The following SPEN variants were observed in gnomAD, a reference collection of about 807,000 sequenced individuals.
SPEN encodes the protein msx2-interacting protein.
SPEN carries 18 observed loss-of-function variants against 269.9 expected under a neutral mutation model. The ratio of observed to expected loss-of-function variants is 0.07; its 90% CI spans 0.05 to 0.10. The LOEUF (loss-of-function observed/expected upper bound fraction) is 0.10, where lower values mean the gene tolerates loss of function less well. Among genes scored for constraint, SPEN ranks in the 10% least tolerant of loss-of-function variants. The probability of loss-of-function intolerance (pLI) is 1.00; values close to 1 mark genes in which losing one functional copy is unlikely to be tolerated. For missense variants in SPEN, 3,822 were observed against 4,631.2 expected, an observed-to-expected ratio of 0.83 and a Z score of 5.07; for synonymous variants, 1,726 against 1,765.7, an observed-to-expected ratio of 0.98 and a Z score of 0.56.
chr1:15,895,935 C>T (rs1276984783), intron 3 of SPEN, among the ~76,000 whole-genome samples: 2 of 152,066 alleles, frequency 1.3e-5, no homozygotes, highest in East Asian at 1.9e-4. Context: ...CCACCTGTCT[C>T]GGCCTCCCAA....
chr1:15,871,891 A>G (rs1335586020), intron 1 of SPEN, among the ~76,000 whole-genome samples: 2 of 152,180 alleles, frequency 1.3e-5, no homozygotes, highest in Non-Finnish European at 2.9e-5. Flanking sequence ...ATTCTATCTT[A>G]GGTTCAGTAG....
intron 3 of SPEN, among the ~76,000 whole-genome samples, chr1:15,904,892 T>TC (rs1179866270): frequency 4.2e-5 from 6 of 144,424 alleles, no homozygotes; most frequent in South Asian, 2.2e-4. Flanking sequence ...TGTCTCTCTC[T>TC]TTTTTTTTTT....
At chr1:15,936,355 C>T in intron 11 of SPEN, 89 bp downstream of exon 11, 5 of 1,439,192 alleles carry the variant, frequency 3.5e-6, no homozygotes, top group Non-Finnish European at 3.7e-6. Context: ...TGAAAGAAAT[C>T]AGGGGCCAGG....
intron 13 of SPEN, 172 bp from the exon 14 acceptor site, chr1:15,938,546 T>G: frequency 1.8e-6 from 1 of 562,568 alleles, no homozygotes. Context: ...TAAATCAGCT[T>G]TCTCAGGTTG....
Position 15,935,642 on chromosome 1 carries a change from A to G in SPEN, c.9402A>G (p.Pro3134=). 6.2e-7 allele frequency: 1 copy of G among 1,614,028 alleles called. No individual in the cohort carries two copies. Among genetic ancestry groups the G allele is most frequent in the Non-Finnish European group, 8.5e-7 (1 of 1,179,972 alleles). ...LQPQQIEVRA[P]QRASTPQPAP... is the part of the protein sequence containing the mutation. ...CCCAGCAAATAGAGGTCAGGGCCCC[A>G]CAGCGTGCCAGCACCCCGCAGCCAG... The change falls in exon 11 of 15, where the codon CCA becomes CCG. Residue 3134 remains proline (P), a synonymous_variant. Coordinates refer to ENST00000375759, the MANE Select transcript of SPEN (RefSeq NM_015001.3). This position sits in a 1 kb window ranked among gnomAD's most constrained non-coding sequence, Gnocchi z 7.7.
Position 15,928,329 on chromosome 1 carries a change from T to A in SPEN, c.2089T>A (p.Tyr697Asn). ...TGAACAAGATATTAGGGAATATAGTTACAGGCAAAGGGAACGAGAAAGAGA... is the reference window on the plus strand; with the variant it reads ...TGAACAAGATATTAGGGAATATAGTAACAGGCAAAGGGAACGAGAAAGAGA... ...PYEQDIREYS[Y>N]RQRERERERE... is the part of the protein sequence containing the mutation. Residue 697 changes from tyrosine to asparagine, a missense_variant, in exon 11 of 15, where the codon TAC (tyrosine) becomes AAC (asparagine). Physicochemically the swap from Tyr to Asn is moderately radical, Grantham distance 143. Coordinates refer to ENST00000375759, the MANE Select transcript of SPEN (RefSeq NM_015001.3). This position sits in a 1 kb window ranked among gnomAD's most constrained non-coding sequence, Gnocchi z 5.7. 6.2e-7 allele frequency: 1 copy of A among 1,614,208 alleles called. No homozygotes were observed. The highest frequency in any genetic ancestry group is 8.5e-7 in the Non-Finnish European group (1 of 1,180,038).
chr1:15,930,380 T>G lies in SPEN; in HGVS notation c.4140T>G (p.Ser1380=). Residue 1380 remains serine, a synonymous_variant, in exon 11 of 15, where the codon TCT becomes TCG. Coordinates refer to ENST00000375759, the MANE Select transcript of SPEN (RefSeq NM_015001.3). The surrounding 1 kb of genome is among the most constrained non-coding windows in gnomAD (Gnocchi z 5.3). The part of the protein sequence containing the change: ...VRDLEPGEVP[S]DSDEDGEHKS... ...ATCTGGAACCTGGTGAGGTGCCTTC[T>G]GATTCTGACGAAGATGGTGAACACA... The G allele has an allele frequency of 6.2e-7, 1 of 1,613,600 alleles. No individual in the cohort carries two copies. The highest frequency in any genetic ancestry group is 2.2e-5 in the East Asian group (1 of 44,872).
chr1:15,879,651 G>T (rs995744157), intron 3 of SPEN, among the ~76,000 whole-genome samples: 1 of 151,590 alleles, frequency 6.6e-6, no homozygotes, highest in African/African-American at 2.4e-5. Context: ...GAAGTCTGGA[G>T]GGTGACATCT....
intron 5 of SPEN, among the ~76,000 whole-genome samples, chr1:15,914,214 C>A (rs1277805090): frequency 1.3e-5 from 2 of 152,114 alleles, no homozygotes; most frequent in South Asian, 2.1e-4. Flanking sequence ...CCATTGGAGC[C>A]ATCAGTCTGG....
chr1:15,922,753 G>C (rs1478560191), intron 10 of SPEN, among the ~76,000 whole-genome samples: 2 of 151,994 alleles, frequency 1.3e-5, no homozygotes, highest in Admixed American at 6.6e-5. Context: ...TTCTTGATTA[G>C]CTGGGACTAC....
chr1:15,882,166 C>G (rs1296735733), intron 3 of SPEN, among the ~76,000 whole-genome samples: 1 of 152,128 alleles, frequency 6.6e-6, no homozygotes, highest in African/African-American at 2.4e-5. Context: ...CTTCATGGCT[C>G]CATGTGCTGC....
Position 15,848,169 on chromosome 1 carries a change from G to A in SPEN, c.83+19G>A. ...TCAAACGGTGAGTGACACGAGGCCC[G>A]CGGCCGCGCTCGCTCCTCGGGCGCC... On this transcript the variant is annotated intron_variant, in intron 1 of 14. Transcript: ENST00000375759. The surrounding 1 kb of genome is among the most constrained non-coding windows in gnomAD (Gnocchi z 5.1). 2.8e-6 allele frequency: 4 copies of A among 1,439,544 alleles called. No individual in the cohort carries two copies. The highest frequency in any genetic ancestry group is 3.7e-6 in the Non-Finnish European group (4 of 1,080,030). The allele number at this position is 1,439,544 out of a possible 1,614,324, so 89.2% of individuals were successfully genotyped here.
chr1:15,914,468 T>G (rs991812117), intron 5 of SPEN, among the ~76,000 whole-genome samples: 1 of 152,212 alleles, frequency 6.6e-6, no homozygotes, highest in African/African-American at 2.4e-5. Flanking sequence ...AGACCAAGTT[T>G]ATAAATGGAG....
At chr1:15,872,639 C>T (rs2070592481) in intron 1 of SPEN, among the ~76,000 whole-genome samples, 177 bp from the exon 2 acceptor site, 2 of 151,154 alleles carry the variant, frequency 1.3e-5, no homozygotes, top group East Asian at 1.9e-4. Flanking sequence ...TGTAATAATG[C>T]GATACAGATA....
chr1:15,931,214 T>C lies in SPEN; in HGVS notation c.4974T>C (p.Thr1658=). 6.2e-7 allele frequency: 1 copy of C among 1,614,136 alleles called. No homozygotes were observed. The highest frequency in any genetic ancestry group is 8.5e-7 in the Non-Finnish European group (1 of 1,180,004). The change falls in exon 11 of 15, where the codon ACT becomes ACC. Residue 1658 remains threonine, a synonymous_variant. Coordinates refer to ENST00000375759, the MANE Select transcript of SPEN (RefSeq NM_015001.3). This position sits in a 1 kb window ranked among gnomAD's most constrained non-coding sequence, Gnocchi z 4.8. ...ESAPSALEKT[T]GDKTVEAPLV... Reference sequence around the variant, plus strand: ...CCCCATCAGCACTAGAGAAGACCACTGGTGACAAAACGGTAGAGGCGCCTT... The same window carrying C: ...CCCCATCAGCACTAGAGAAGACCACCGGTGACAAAACGGTAGAGGCGCCTT...
intron 3 of SPEN, among the ~76,000 whole-genome samples, chr1:15,895,696 T>C (rs1442999513): frequency 6.6e-6 from 1 of 150,954 alleles, no homozygotes; most frequent in Admixed American, 6.6e-5. Context: ...TTTTTTTTTT[T>C]TGGAGACAGA....
At chr1:15,915,683 C>T (rs563408305) in intron 5 of SPEN, among the ~76,000 whole-genome samples, 79 of 152,116 alleles carry the variant, frequency 5.2e-4, no homozygotes, top group African/African-American at 1.9e-3. Context: ...TACAGGCGTG[C>T]GCCACCATAC....
At chr1:15,880,648 G>A (rs1022556041) in intron 3 of SPEN, among the ~76,000 whole-genome samples, 1 of 151,598 alleles carries the variant, frequency 6.6e-6, no homozygotes. Context: ...TAGAGACAGG[G>A]GTTTCACTAC....
At chr1:15,886,692 C>T (rs1409503388) in intron 3 of SPEN, among the ~76,000 whole-genome samples, 2 of 152,180 alleles carry the variant, frequency 1.3e-5, no homozygotes, top group East Asian at 1.9e-4. Context: ...TTAGAAGCTA[C>T]GGCTTCTGTA....
Sources: allele counts gnomAD v4.1 joint callset (sites outside exome capture counted in the v4.1 genomes callset), GRCh38; gene constraint gnomAD v4.1.1; non-coding constraint Gnocchi (gnomAD v3.1); transcripts MANE v1.5; gene names NCBI Gene and HGNC (gene_info 2026-07-23, HGNC 2026-07-21).